Variants in ETV6 observed in about 807,000 individuals in gnomAD.
ETV6 encodes the protein transcription factor ETV6.
In ETV6, 16 loss-of-function variants were observed where a neutral mutation model predicts 51.1. That is an observed-to-expected ratio of 0.31 (90% CI 0.21 to 0.48). ETV6 has a LOEUF of 0.48. ETV6 is among the 20% of genes least tolerant of loss of function. The probability of loss-of-function intolerance (pLI) is 0.99; values close to 1 mark genes in which losing one functional copy is unlikely to be tolerated. For synonymous variants in ETV6, 240 were observed against 224.1 expected, an observed-to-expected ratio of 1.07 and a Z score of -0.64; for missense variants, 458 against 594.8, an observed-to-expected ratio of 0.77 and a Z score of 2.39.
intron 4 of ETV6, among the ~76,000 whole-genome samples, chr12:11,862,763 G>T (rs1329606934): frequency 6.6e-6 from 1 of 152,144 alleles, no homozygotes; most frequent in East Asian, 1.9e-4. Context: ...CATCCTGAGG[G>T]TACTAGGGGT....
chr12:11,724,555 T>C (rs745472540), intron 1 of ETV6, among the ~76,000 whole-genome samples: 3 of 152,026 alleles, frequency 2.0e-5, no homozygotes, highest in Admixed American at 6.6e-5. Flanking sequence ...CTAGCAGAGA[T>C]GGAGGGTAGG....
At chr12:11,701,301 C>T (rs528577069) in intron 1 of ETV6, among the ~76,000 whole-genome samples, 73 of 152,292 alleles carry the variant, frequency 4.8e-4, no homozygotes, top group African/African-American at 1.6e-3. Flanking sequence ...TCCCCTCCCC[C>T]AGCCCCTGGT....
chr12:11,871,575 T>G (rs575507696), intron 5 of ETV6, among the ~76,000 whole-genome samples: 2 of 152,340 alleles, frequency 1.3e-5, no homozygotes, highest in African/African-American at 4.8e-5. Context: ...TCAGTTTCAC[T>G]GTTATAAATC....
intron 1 of ETV6, among the ~76,000 whole-genome samples, chr12:11,746,191 T>A (rs1259075851): frequency 6.6e-6 from 1 of 152,246 alleles, no homozygotes; most frequent in Admixed American, 6.5e-5. Flanking sequence ...CGAAGGCTGC[T>A]ATGATTTTTA....
chr12:11,735,024 T>C (rs1455344298), intron 1 of ETV6, among the ~76,000 whole-genome samples: 1 of 150,130 alleles, frequency 6.7e-6, no homozygotes, highest in African/African-American at 2.5e-5. Context: ...TACTTATTAA[T>C]GGGCAAAATG....
intron 2 of ETV6, among the ~76,000 whole-genome samples, chr12:11,779,653 T>C (rs1330441498): frequency 6.6e-6 from 1 of 152,232 alleles, no homozygotes; most frequent in Non-Finnish European, 1.5e-5. Context: ...AAAATTCCCC[T>C]AGAGTTGTTA....
chr12:11,766,660 C>A (rs950966432), intron 2 of ETV6, among the ~76,000 whole-genome samples: 2 of 152,100 alleles, frequency 1.3e-5, no homozygotes, highest in Admixed American at 6.5e-5. Context: ...TGCGTGGAGG[C>A]CTTATAGGTT....
chr12:11,823,760 C>T (rs765357425), intron 2 of ETV6, among the ~76,000 whole-genome samples: 10 of 152,280 alleles, frequency 6.6e-5, no homozygotes, highest in African/African-American at 1.2e-4. Flanking sequence ...CCACCGCACC[C>T]GGCCAGTAAT....
intron 3 of ETV6, among the ~76,000 whole-genome samples, chr12:11,846,229 T>TC (rs1179395298): frequency 3.1e-4 from 31 of 98,750 alleles, no homozygotes; most frequent in Non-Finnish European, 5.4e-4. Flanking sequence ...TACTCTTACT[T>TC]TAAAAAAAAA....
At chr12:11,827,319 C>T (rs764935470) in intron 2 of ETV6, among the ~76,000 whole-genome samples, 6 of 152,072 alleles carry the variant, frequency 3.9e-5, no homozygotes, top group Non-Finnish European at 7.4e-5. Flanking sequence ...GGCAACCAAC[C>T]GGGCCTTTGA....
intron 2 of ETV6, among the ~76,000 whole-genome samples, chr12:11,789,591 G>T (rs73292433): frequency 0.011 from 1,703 of 152,056 alleles, 41 homozygotes; most frequent in East Asian, 0.082. Context: ...GAAAGGGTAG[G>T]GGGGAGGCAA....
At chr12:11,867,853 G>C (rs952619619) in intron 4 of ETV6, among the ~76,000 whole-genome samples, 2 of 152,206 alleles carry the variant, frequency 1.3e-5, no homozygotes, top group Non-Finnish European at 2.9e-5. Context: ...ATTGAGTTGG[G>C]TGTGGAGCCG....
intron 2 of ETV6, among the ~76,000 whole-genome samples, chr12:11,759,528 C>T (rs1478485283): frequency 6.6e-6 from 1 of 152,186 alleles, no homozygotes; most frequent in Non-Finnish European, 1.5e-5. Context: ...AAATAAAAGA[C>T]GATGAGAACC....
intron 2 of ETV6, among the ~76,000 whole-genome samples, chr12:11,782,574 G>A (rs550914350): frequency 6.6e-6 from 1 of 152,186 alleles, no homozygotes; most frequent in Admixed American, 6.5e-5. Flanking sequence ...TTTAAAATTG[G>A]CTTTGTAGGA....
intron 5 of ETV6, among the ~76,000 whole-genome samples, chr12:11,881,193 G>A (rs561646312): frequency 6.6e-6 from 1 of 152,208 alleles, no homozygotes; most frequent in African/African-American, 2.4e-5. Flanking sequence ...TACTGCCCCT[G>A]CCTCCCAAAA....
At chr12:11,713,542 A>G (rs1865214101) in intron 1 of ETV6, among the ~76,000 whole-genome samples, 1 of 152,156 alleles carries the variant, frequency 6.6e-6, no homozygotes, top group South Asian at 2.1e-4. Flanking sequence ...TGTTTCCTCT[A>G]CATGGAGCTC....
intron 1 of ETV6, among the ~76,000 whole-genome samples, chr12:11,704,359 CT>C (rs1322715769): frequency 1.3e-5 from 2 of 151,870 alleles, no homozygotes; most frequent in Admixed American, 6.6e-5. Flanking sequence ...GCCTTTTTTT[CT>C]TTTTTTGACA....
At chr12:11,799,401 C>G (rs1174971240) in intron 2 of ETV6, among the ~76,000 whole-genome samples, 1 of 152,142 alleles carries the variant, frequency 6.6e-6, no homozygotes, top group African/African-American at 2.4e-5. Context: ...TGTCCATGCC[C>G]TCTGTAGCCC....
intron 5 of ETV6, among the ~76,000 whole-genome samples, chr12:11,882,674 G>A (rs1037502108): frequency 1.3e-5 from 2 of 152,148 alleles, no homozygotes. Context: ...TAATAATCCT[G>A]TAAAGTAAGT....
Sources: gnomAD v4.1 joint callset for allele counts (sites outside exome capture counted in the v4.1 genomes callset) on GRCh38, gnomAD v4.1.1 for gene constraint, MANE v1.5 for transcripts, NCBI Gene and HGNC (gene_info 2026-07-23, HGNC 2026-07-21) for gene names.